SCHIP1: variants seen among roughly 807,000 people sequenced by gnomAD.
The protein encoded by SCHIP1 is schwannomin interacting protein 1.
Under a neutral mutation model 29.7 loss-of-function variants are expected in SCHIP1, and 8 were observed. The observed-to-expected ratio is 0.27, with a 90% CI of 0.16 to 0.49. The LOEUF (loss-of-function observed/expected upper bound fraction) is 0.49, where lower values mean the gene tolerates loss of function less well. Ranked by LOEUF, SCHIP1 falls within the 20% of genes least tolerant of loss-of-function variation. SCHIP1 has a pLI of 0.99. For missense variants in SCHIP1, 193 were observed against 294.6 expected, an observed-to-expected ratio of 0.66 and a Z score of 2.52; for synonymous variants, 76 against 94.9, an observed-to-expected ratio of 0.80 and a Z score of 1.16.
chr3:159,337,345 AG>A, the SCHIP1 span, among the ~76,000 whole-genome samples: 124 of 152,266 alleles, frequency 8.1e-4, no homozygotes, highest in African/African-American at 2.7e-3. Flanking sequence ...AGTTCTGGCC[AG>A]GGCAGTCAGG....
chr3:159,318,743 G>A, the SCHIP1 span, among the ~76,000 whole-genome samples: 3 of 152,130 alleles, frequency 2.0e-5, no homozygotes, highest in South Asian at 2.1e-4. Context: ...GGGCCTGCTC[G>A]AGCCCGATCA....
chr3:159,568,631 T>A, the SCHIP1 span, among the ~76,000 whole-genome samples: 3 of 152,138 alleles, frequency 2.0e-5, no homozygotes, highest in Non-Finnish European at 4.4e-5. Flanking sequence ...TGCAACAATT[T>A]TCTTTTCAAT....
At chr3:159,849,094 T>C (rs1712231158) in intron 1 of SCHIP1, among the ~76,000 whole-genome samples, 1 of 152,108 alleles carries the variant, frequency 6.6e-6, no homozygotes, top group African/African-American at 2.4e-5. Flanking sequence ...AGTGGAATGG[T>C]CTTTTAGTAT....
the SCHIP1 span, among the ~76,000 whole-genome samples, chr3:159,692,313 G>T: frequency 6.6e-6 from 1 of 152,166 alleles, no homozygotes; most frequent in East Asian, 1.9e-4. Flanking sequence ...ATATCCTGCA[G>T]AGTGTTTTCC....
At chr3:159,463,334 A>T in the SCHIP1 span, among the ~76,000 whole-genome samples, 1 of 152,138 alleles carries the variant, frequency 6.6e-6, no homozygotes, top group Non-Finnish European at 1.5e-5. Flanking sequence ...AGTAGAATTT[A>T]GTTGATATTT....
At chr3:159,772,402 C>G in the SCHIP1 span, among the ~76,000 whole-genome samples, 1 of 152,216 alleles carries the variant, frequency 6.6e-6, no homozygotes, top group Admixed American at 6.5e-5. Context: ...CCTTGGCCTC[C>G]CAAGTGCTGG....
the SCHIP1 span, among the ~76,000 whole-genome samples, chr3:159,481,197 C>G: frequency 6.6e-6 from 1 of 152,172 alleles, no homozygotes; most frequent in East Asian, 1.9e-4. Context: ...TTATCAGGCT[C>G]TAGCCCAGAC....
At chr3:159,831,053 C>A in the SCHIP1 span, among the ~76,000 whole-genome samples, 1 of 152,188 alleles carries the variant, frequency 6.6e-6, no homozygotes, top group Non-Finnish European at 1.5e-5. Flanking sequence ...ACACAACTTG[C>A]TTTGTAAGAG....
the SCHIP1 span, among the ~76,000 whole-genome samples, chr3:159,536,124 T>C: frequency 6.6e-6 from 1 of 152,218 alleles, no homozygotes; most frequent in Non-Finnish European, 1.5e-5. Flanking sequence ...AGCAAAGACA[T>C]GGAACATTTC....
intron 1 of SCHIP1, among the ~76,000 whole-genome samples, chr3:159,865,884 C>T (rs1252062096): frequency 1.3e-5 from 2 of 152,170 alleles, no homozygotes; most frequent in East Asian, 3.9e-4. Flanking sequence ...AGAAAGATTA[C>T]GTGACAAATA....
the SCHIP1 span, among the ~76,000 whole-genome samples, chr3:159,760,687 A>G: frequency 6.6e-6 from 1 of 152,218 alleles, no homozygotes; most frequent in Non-Finnish European, 1.5e-5. Context: ...CATGGAATTT[A>G]GAGTATTTTT....
chr3:159,654,802 TAAAAAAA>T, the SCHIP1 span, among the ~76,000 whole-genome samples: 5 of 103,778 alleles, frequency 4.8e-5, no homozygotes, highest in African/African-American at 1.1e-4. Context: ...TGACTTTAAG[TAAAAAAA>T]AAAAAAAAAA....
chr3:159,689,903 T>C, the SCHIP1 span, among the ~76,000 whole-genome samples: 1 of 152,240 alleles, frequency 6.6e-6, no homozygotes, highest in African/African-American at 2.4e-5. Flanking sequence ...ATTACGCTTA[T>C]TGATTTGCAT....
At chr3:159,731,891 G>T in the SCHIP1 span, among the ~76,000 whole-genome samples, 1 of 151,486 alleles carries the variant, frequency 6.6e-6, no homozygotes, top group African/African-American at 2.4e-5. Flanking sequence ...TTCTGCTGCC[G>T]AGGCTGGAGT....
At chr3:159,694,875 T>C in the SCHIP1 span, among the ~76,000 whole-genome samples, 2 of 152,182 alleles carry the variant, frequency 1.3e-5, no homozygotes, top group African/African-American at 4.8e-5. Flanking sequence ...CTCAATAAAT[T>C]GGTTGATTGG....
intron 1 of SCHIP1, among the ~76,000 whole-genome samples, chr3:159,854,298 A>C (rs913291952): frequency 6.6e-6 from 1 of 152,218 alleles, no homozygotes; most frequent in Non-Finnish European, 1.5e-5. Flanking sequence ...CCCAGGAATG[A>C]CATATAGAAA....
the SCHIP1 span, among the ~76,000 whole-genome samples, chr3:159,531,933 A>G: frequency 6.6e-6 from 1 of 152,232 alleles, no homozygotes; most frequent in Non-Finnish European, 1.5e-5. Context: ...CAGGCCCAGG[A>G]AAAATTTGTG....
At chr3:159,823,968 C>A in the SCHIP1 span, among the ~76,000 whole-genome samples, 15 of 152,290 alleles carry the variant, frequency 9.8e-5, no homozygotes, top group African/African-American at 3.6e-4. Context: ...TTTATCATCC[C>A]ATTAATGTGT....
chr3:159,856,713 T>A (rs1313702969), intron 1 of SCHIP1, among the ~76,000 whole-genome samples: 1 of 152,170 alleles, frequency 6.6e-6, no homozygotes, highest in Non-Finnish European at 1.5e-5. Flanking sequence ...CCGTCTCTAG[T>A]GTTGTGCATC....
Sources: allele counts gnomAD v4.1 joint callset (sites outside exome capture counted in the v4.1 genomes callset), GRCh38; gene constraint gnomAD v4.1.1; transcripts MANE v1.5; gene names NCBI Gene and HGNC (gene_info 2026-07-23, HGNC 2026-07-21).